The following IL31RA variants were observed in gnomAD, a reference collection of about 807,000 sequenced individuals.
The protein encoded by IL31RA is interleukin-31 receptor subunit alpha.
Under a neutral mutation model 83.7 loss-of-function variants are expected in IL31RA, and 66 were observed. The observed-to-expected ratio is 0.79, with a 90% CI of 0.65 to 0.97. IL31RA has a LOEUF of 0.97. IL31RA is among the 50% of genes least tolerant of loss of function. The pLI is 0.00. For missense variants in IL31RA, 798 were observed against 919.4 expected (o/e 0.87, Z 1.71); for synonymous variants, 325 against 329.0 (o/e 0.99, Z 0.13).
intron 8 of IL31RA, chr5:55,902,265 T>C (rs2112536451): frequency 6.6e-6 from 1 of 152,188 alleles, no homozygotes; most frequent in South Asian, 2.1e-4. Context: ...AAACCTAAAA[T>C]CTAAAATATT....
rs1198095490 is a variant in IL31RA, at chr5:55,918,664, A to G, written c.*1544A>G. Among the ~76,000 whole-genome samples, 1 of 152,154 alleles carries G rather than the reference A, an allele frequency of 6.6e-6. No individual in the cohort carries two copies. Among genetic ancestry groups the G allele is most frequent in the Non-Finnish European group, 1.5e-5 (1 of 68,000 alleles). On this transcript the variant is annotated 3_prime_UTR_variant, in exon 15 of 15. Coordinates refer to ENST00000652347, the MANE Select transcript of IL31RA (RefSeq NM_139017.7). The stretch of plus-strand genomic sequence containing the variant: ...TTGTCTCTGGCCTCGTGTGTTTACT[A>G]TGGTCCCTCCTGTCCCTGTTGGGTC...
At position 55,917,377 on chromosome 5, in the gene IL31RA, C is replaced by T. The variant is rs1749853407; in HGVS notation, c.*257C>T. On this transcript the variant is annotated 3_prime_UTR_variant, in exon 15 of 15. Coordinates refer to ENST00000652347, the MANE Select transcript of IL31RA (RefSeq NM_139017.7). ...CGTTTGTTCAGATACCAAGCTCTCA[C>T]CGAGGCCTCCTGACAGATTGACTTT... 8 of 1,292,828 alleles carry T rather than the reference C, an allele frequency of 6.2e-6. No homozygotes were observed. In the South Asian group the frequency reaches 1.3e-4, roughly 20 times the overall value. 80.1% of individuals were successfully genotyped at this position (1,292,828 alleles called of 1,614,324 possible).
In IL31RA at chr5:55,920,769, GCA is replaced by G. The variant is rs1057300387; in HGVS notation, c.*3657_*3658del. ...ATAAGGACTGCCCTCTTTGAAGGGT[GCA>G]CACACACTTACTGGTTCCCCACCAG... On this transcript the variant is annotated 3_prime_UTR_variant, in exon 15 of 15. Coordinates refer to ENST00000652347, the MANE Select transcript of IL31RA (RefSeq NM_139017.7). Among the ~76,000 whole-genome samples, 1 of 152,178 alleles carries G rather than the reference GCA, an allele frequency of 6.6e-6. No homozygotes were observed. The highest frequency in any genetic ancestry group is 2.4e-5 in the African/African-American group (1 of 41,426).
chr5:55,856,900 T>C (rs1207594119), intron 1 of IL31RA, among the ~76,000 whole-genome samples: 1 of 152,182 alleles, frequency 6.6e-6, no homozygotes. Flanking sequence ...ATTAGTTGAG[T>C]AGATTCCCGC....
At chr5:55,867,087 GTGT>G (rs1746102658) in intron 2 of IL31RA, among the ~76,000 whole-genome samples, 1 of 84,224 alleles carries the variant, frequency 1.2e-5, no homozygotes, top group African/African-American at 3.6e-5. Context: ...ATGTGTGTTT[GTGT>G]GTGTGTGTTT....
At chr5:55,896,265 C>A in intron 6 of IL31RA, 85 bp from the exon 7 acceptor site, 1 of 922,332 alleles carries the variant, frequency 1.1e-6, no homozygotes, top group Non-Finnish European at 1.8e-6. Context: ...CAAGCAAATC[C>A]TTCCCAACTG....
rs1750010458 is a variant in IL31RA at position 55,920,013 on chromosome 5, G to A, written c.*2893G>A. ...CCCTGGGATCCATGCAGACAGCTAG[G>A]TTAGTGGCCTTTCTTTAACAGTAAG... is the stretch of plus-strand genomic sequence containing the variant. On this transcript the variant is annotated 3_prime_UTR_variant, in exon 15 of 15. Coordinates refer to ENST00000652347, the MANE Select transcript of IL31RA (RefSeq NM_139017.7). Among the ~76,000 whole-genome samples, 1 of 152,252 alleles carries A rather than the reference G, an allele frequency of 6.6e-6. No homozygotes were observed. Among genetic ancestry groups the A allele is most frequent in the Non-Finnish European group, 1.5e-5 (1 of 68,040 alleles).
chr5:55,879,079 C>G (rs1747029138), intron 4 of IL31RA, among the ~76,000 whole-genome samples: 1 of 152,074 alleles, frequency 6.6e-6, no homozygotes. Flanking sequence ...CTGTAGTCTC[C>G]CTGTAGCTTT....
Position 55,917,963 on chromosome 5 carries a change from C to T in IL31RA, c.*843C>T, listed in dbSNP as rs1292190892. On this transcript the variant is annotated 3_prime_UTR_variant, in exon 15 of 15. Transcript: ENST00000652347. ...CACACTGGTTCAGAGCCCAGGAATG[C>T]TTACTTAAAAGGCCTCTTCCCGGAA... 2.0e-5 allele frequency among the ~76,000 whole-genome samples: 3 copies of T among 152,188 alleles called. No individual in the cohort carries two copies. The highest frequency in any genetic ancestry group is 1.9e-4 in the East Asian group (1 of 5,198).
intron 6 of IL31RA, among the ~76,000 whole-genome samples, chr5:55,891,016 T>G (rs1372915951): frequency 6.6e-6 from 1 of 152,248 alleles, no homozygotes. Context: ...GAGTTTATAG[T>G]AGTACCTATT....
chr5:55,918,903 C>T lies in IL31RA; in HGVS notation c.*1783C>T, dbSNP rs1749949883. Among the ~76,000 whole-genome samples, 1 of 152,134 alleles carries T rather than the reference C, an allele frequency of 6.6e-6. No homozygotes were observed. Among genetic ancestry groups the T allele is most frequent in the South Asian group, 2.1e-4 (1 of 4,826 alleles). ...CGAGGCAGGGCACTGGGGAATAAGA[C>T]TCTAGGGCAATGCCCCTGTCCCGTT... On this transcript the variant is annotated 3_prime_UTR_variant, in exon 15 of 15. Coordinates refer to ENST00000652347, the MANE Select transcript of IL31RA (RefSeq NM_139017.7).
intron 8 of IL31RA, among the ~76,000 whole-genome samples, chr5:55,901,811 C>T (rs1748837915): frequency 1.3e-5 from 2 of 151,826 alleles, no homozygotes; most frequent in African/African-American, 4.8e-5. Context: ...GACGGGGTTT[C>T]TCCATGTTGG....
chr5:55,887,166 T>C (rs752459934), intron 5 of IL31RA, among the ~76,000 whole-genome samples: 2 of 152,250 alleles, frequency 1.3e-5, no homozygotes, highest in Non-Finnish European at 2.9e-5. Flanking sequence ...TACTCCAAAT[T>C]ATTTAATCCT....
rs755492474 is a variant in IL31RA at position 55,908,250 on chromosome 5, C to T, written c.1355-15C>T. The stretch of plus-strand genomic sequence containing the variant: ...GCGGTTCAGTGATTATCATTTATCC[C>T]TCTGTCCTTTCCAGTTCCATCAGAA... On this transcript the variant is annotated splice_polypyrimidine_tract_variant and intron_variant, in intron 10 of 14. Transcript: ENST00000652347. 1.9e-6 allele frequency: 3 copies of T among 1,613,972 alleles called. No homozygotes were observed. Among genetic ancestry groups the T allele is most frequent in the Admixed American group, 1.7e-5 (1 of 60,026 alleles).
In IL31RA at chr5:55,885,891, G is replaced by C. The variant is rs546551270; in HGVS notation, c.606+2696G>C. Among the ~76,000 whole-genome samples, 4 of 152,300 alleles carry C rather than the reference G, an allele frequency of 2.6e-5. No homozygotes were observed. In the East Asian group the frequency reaches 7.7e-4, roughly 29 times the overall value. The stretch of plus-strand genomic sequence containing the variant: ...CTTCATACCACATGTCATGGTCTCC[G>C]TGAACCTGAGAAACTTCTGGGATAG... On this transcript the variant is annotated intron_variant, in intron 5 of 14. Coordinates refer to ENST00000652347, the MANE Select transcript of IL31RA (RefSeq NM_139017.7).
At chr5:55,869,352 C>T (rs2112367703) in intron 3 of IL31RA, among the ~76,000 whole-genome samples, 1 of 152,230 alleles carries the variant, frequency 6.6e-6, no homozygotes, top group East Asian at 1.9e-4. Flanking sequence ...ACAATGATTC[C>T]CCAATTTTTT....
At chr5:55,914,765 C>G in intron 13 of IL31RA, 82 bp from the exon 14 acceptor site, 1 of 998,246 alleles carries the variant, frequency 1.0e-6, no homozygotes, top group South Asian at 1.3e-5. Flanking sequence ...CCCTTTAGCA[C>G]AGCCTCACTC....
At chr5:55,895,686 C>T (rs1157110176) in intron 6 of IL31RA, among the ~76,000 whole-genome samples, 2 of 152,164 alleles carry the variant, frequency 1.3e-5, no homozygotes, top group Non-Finnish European at 2.9e-5. Flanking sequence ...TTGAAAAGAT[C>T]CACGTGATAA....
rs189766828 is a variant in IL31RA at position 55,852,758 on chromosome 5, C to A, written c.63+1125C>A. On this transcript the variant is annotated intron_variant, in intron 1 of 14. Transcript: ENST00000652347. ...GATCCTAGAAATAATCTAATTTGAA[C>A]CTTTGATTGCTAGGAAACTGAGAGT... Among the ~76,000 whole-genome samples, 601 of 152,226 alleles carry A rather than the reference C, an allele frequency of 3.9e-3. 5 individuals are homozygous for A. The highest frequency in any genetic ancestry group is 0.014 in the African/African-American group (577 of 41,514).
Sources: gnomAD v4.1 joint callset for allele counts (sites outside exome capture counted in the v4.1 genomes callset) on GRCh38, gnomAD v4.1.1 for gene constraint, MANE v1.5 for transcripts, NCBI Gene and HGNC (gene_info 2026-07-23, HGNC 2026-07-21) for gene names.